Variants in PDSS2 observed in about 807,000 individuals in gnomAD.
The protein encoded by PDSS2 is decaprenyl diphosphate synthase subunit 2.
Under a neutral mutation model 44.5 loss-of-function variants are expected in PDSS2, and 31 were observed. The observed-to-expected ratio is 0.70, with a 90% CI of 0.52 to 0.94. The LOEUF (loss-of-function observed/expected upper bound fraction) is 0.94. Among genes scored for constraint, PDSS2 ranks in the 40% least tolerant of loss-of-function variants. The pLI is 0.00. For missense variants in PDSS2, 452 were observed against 482.2 expected (o/e 0.94, Z 0.59); for synonymous variants, 157 against 180.3 (o/e 0.87, Z 1.03).
rs563029454 is a variant in PDSS2 at position 107,329,869 on chromosome 6, C to T, written c.431+4329G>A. Among the ~76,000 whole-genome samples the T allele has an allele frequency of 1.3e-4, 19 of 151,902 alleles. No homozygotes were observed. The East Asian group carries it at 1.6e-3, about 12-fold the overall frequency. ...GAGGTATAGAAGCAGGGTGCAGTGG[C>T]GGGCGCCTGTAATCCCAGCTACTTG... On this transcript the variant is annotated intron_variant, in intron 2 of 7. Coordinates refer to ENST00000369037, the MANE Select transcript of PDSS2 (RefSeq NM_020381.4).
intron 2 of PDSS2, among the ~76,000 whole-genome samples, chr6:107,296,636 A>T (rs1424071818): frequency 6.6e-6 from 1 of 152,212 alleles, no homozygotes; most frequent in Non-Finnish European, 1.5e-5. Context: ...CTGAGGCAGG[A>T]GAATCACTTG....
At chr6:107,157,734 G>A (rs908577870) in intron 7 of PDSS2, among the ~76,000 whole-genome samples, 5 of 151,310 alleles carry the variant, frequency 3.3e-5, no homozygotes, top group Non-Finnish European at 7.4e-5. Flanking sequence ...GCAATGGCGC[G>A]ATCTTGGCTC....
intron 1 of PDSS2, among the ~76,000 whole-genome samples, chr6:107,440,517 C>G (rs373902193): frequency 2.3e-4 from 35 of 152,212 alleles, no homozygotes; most frequent in East Asian, 9.6e-4. Flanking sequence ...CAGCACTTTT[C>G]CAACTGGGTA....
intron 2 of PDSS2, among the ~76,000 whole-genome samples, chr6:107,323,152 T>C (rs939825263): frequency 2.0e-5 from 3 of 152,198 alleles, no homozygotes; most frequent in South Asian, 2.1e-4. Flanking sequence ...CATGGGTGGA[T>C]TGTGAACCCA....
rs1026526687 is a variant in PDSS2 at position 107,383,436 on chromosome 6, G to A, written c.297-49104C>T. On this transcript the variant is annotated intron_variant, in intron 1 of 7. Coordinates refer to ENST00000369037, the MANE Select transcript of PDSS2 (RefSeq NM_020381.4). Reference sequence around the variant, plus strand: ...ATTAAGATGCTCTTAGACACAGCATGAGAAACAAAATAAAAATTAGATAAA... The same window carrying A: ...ATTAAGATGCTCTTAGACACAGCATAAGAAACAAAATAAAAATTAGATAAA... Among the ~76,000 whole-genome samples the A allele has an allele frequency of 4.0e-5, 6 of 150,290 alleles. 1 individual carries two copies. Among genetic ancestry groups the A allele is most frequent in the Non-Finnish European group, 1.5e-5 (1 of 67,732 alleles).
chr6:107,392,137 G>A lies in PDSS2; in HGVS notation c.297-57805C>T, dbSNP rs184188941. Among the ~76,000 whole-genome samples the A allele has an allele frequency of 1.8e-4, 28 of 152,114 alleles. 1 individual carries two copies. The East Asian group carries it at 5.4e-3, about 29-fold the overall frequency. On this transcript the variant is annotated intron_variant, in intron 1 of 7. Transcript: ENST00000369037. Reference sequence around the variant, plus strand: ...TGACCTGAGAATTCAGGCCAATAAGGCTTCACCTAAAACATACCTAATAGA... The same window carrying A: ...TGACCTGAGAATTCAGGCCAATAAGACTTCACCTAAAACATACCTAATAGA...
intron 2 of PDSS2, among the ~76,000 whole-genome samples, chr6:107,322,567 G>GTGTGGTGTGGTGT (rs1777414039): frequency 6.6e-6 from 1 of 150,918 alleles, no homozygotes; most frequent in East Asian, 2.0e-4. Flanking sequence ...ACTTGAGGCC[G>GTGTGGTGTGGTGT]GGTGTGGTGG....
intron 1 of PDSS2, among the ~76,000 whole-genome samples, chr6:107,376,002 C>T (rs903006438): frequency 2.6e-5 from 4 of 152,154 alleles, no homozygotes; most frequent in Non-Finnish European, 5.9e-5. Flanking sequence ...TTCAGAGCAC[C>T]ATTTATTAAA....
intron 1 of PDSS2, among the ~76,000 whole-genome samples, chr6:107,431,641 A>G (rs1375154085): frequency 6.6e-6 from 1 of 152,174 alleles, no homozygotes; most frequent in Non-Finnish European, 1.5e-5. Flanking sequence ...TTCATCTATA[A>G]TATTTTTGTG....
intron 3 of PDSS2, among the ~76,000 whole-genome samples, chr6:107,258,951 TG>T (rs1775120451): frequency 6.6e-6 from 1 of 152,234 alleles, no homozygotes; most frequent in Non-Finnish European, 1.5e-5. Flanking sequence ...GGTTCTTTGT[TG>T]GTCTGTCAGT....
chr6:107,190,630 A>C (rs940318080), intron 7 of PDSS2, among the ~76,000 whole-genome samples: 4 of 152,224 alleles, frequency 2.6e-5, no homozygotes, highest in African/African-American at 9.6e-5. Flanking sequence ...GAAACCACAG[A>C]GGATTTGCTA....
At chr6:107,348,274 A>C (rs764820421) in intron 1 of PDSS2, among the ~76,000 whole-genome samples, 1 of 152,214 alleles carries the variant, frequency 6.6e-6, no homozygotes, top group Non-Finnish European at 1.5e-5. Context: ...TCTCCATCTT[A>C]TAGGTGAGGC....
At chr6:107,316,021 T>C (rs1777186741) in intron 2 of PDSS2, among the ~76,000 whole-genome samples, 1 of 152,196 alleles carries the variant, frequency 6.6e-6, no homozygotes, top group Non-Finnish European at 1.5e-5. Flanking sequence ...GCAAGAAAGT[T>C]CTAGAACAGT....
chr6:107,425,404 T>C (rs1780965280), intron 1 of PDSS2, among the ~76,000 whole-genome samples: 1 of 152,194 alleles, frequency 6.6e-6, no homozygotes, highest in Non-Finnish European at 1.5e-5. Flanking sequence ...GACAGTGATA[T>C]GAACAATAAG....
At chr6:107,176,372 C>G (rs187871468) in intron 7 of PDSS2, among the ~76,000 whole-genome samples, 1 of 151,896 alleles carries the variant, frequency 6.6e-6, no homozygotes, top group African/African-American at 2.4e-5. Context: ...AATGAATTCC[C>G]AAATCATATT....
rs1329988934 is a variant in PDSS2 at position 107,154,586 on chromosome 6, G to A, written c.*33C>T. On this transcript the variant is annotated 3_prime_UTR_variant, in exon 8 of 8. Transcript: ENST00000369037. The stretch of plus-strand genomic sequence containing the variant: ...TCAACCTCATTCCCTAGGATTTTCA[G>A]CTAACTAACAATAGTGTCTTTTTAA... 6.2e-7 allele frequency: 1 copy of A among 1,607,582 alleles called. No homozygotes were observed. Among genetic ancestry groups the A allele is most frequent in the Non-Finnish European group, 8.5e-7 (1 of 1,174,282 alleles).
intron 2 of PDSS2, among the ~76,000 whole-genome samples, chr6:107,291,184 A>C (rs1017935350): frequency 4.6e-5 from 7 of 152,182 alleles, no homozygotes; most frequent in Non-Finnish European, 7.3e-5. Flanking sequence ...TTAAGTTGTG[A>C]TAATTAGATA....
intron 1 of PDSS2, among the ~76,000 whole-genome samples, chr6:107,403,182 A>G (rs1215267903): frequency 6.6e-6 from 1 of 152,180 alleles, no homozygotes; most frequent in East Asian, 1.9e-4. Context: ...GTTGGCCAAA[A>G]CAAAGGAGCT....
intron 4 of PDSS2, among the ~76,000 whole-genome samples, chr6:107,226,670 T>C (rs1469066252): frequency 7.1e-6 from 1 of 140,270 alleles, no homozygotes; most frequent in Non-Finnish European, 1.5e-5. Context: ...ATTTTGGAAT[T>C]TTTTTTTTTT....
Sources: gnomAD v4.1 joint callset for allele counts (sites outside exome capture counted in the v4.1 genomes callset) on GRCh38, gnomAD v4.1.1 for gene constraint, MANE v1.5 for transcripts, NCBI Gene and HGNC (gene_info 2026-07-23, HGNC 2026-07-21) for gene names.